The following NIN variants were observed in gnomAD, a reference collection of about 807,000 sequenced individuals.
The protein encoded by NIN is glycogen synthase kinase 3 beta-interacting protein.
In NIN, 137 loss-of-function variants were observed where a neutral mutation model predicts 257.6. The observed-to-expected ratio is 0.53, with a 90% CI of 0.46 to 0.61. NIN has a LOEUF of 0.61. NIN is among the 20% of genes least tolerant of loss of function. The pLI is 0.00. For missense variants in NIN, 2,439 were observed against 2,501.2 expected (o/e 0.98, Z 0.53); for synonymous variants, 918 against 919.8 (o/e 1.00, Z 0.04).
In NIN at chr14:50,729,489, C is replaced by A. The variant is rs192524466; in HGVS notation, c.6078+34G>T. The A allele has an allele frequency of 5.1e-6, 8 of 1,577,736 alleles. No homozygotes were observed. In the Admixed American group the frequency reaches 1.2e-4, roughly 24 times the overall value. On this transcript the variant is annotated intron_variant, in intron 29 of 30. Transcript: ENST00000530997. ...CTTTCAAATAAACAGGTAAAATTAA[C>A]AGGTGATCTACTAGAGTAGAGAGAG...
chr14:50,752,202 C>T (rs536983757), intron 21 of NIN, among the ~76,000 whole-genome samples: 2 of 149,992 alleles, frequency 1.3e-5, no homozygotes, highest in Non-Finnish European at 1.5e-5. Flanking sequence ...TTAAGTTTAT[C>T]CTTGTGCATG....
intron 2 of NIN, 77 bp downstream of exon 2, chr14:50,830,387 C>T (rs1232830154): frequency 6.0e-6 from 1 of 166,680 alleles, no homozygotes; most frequent in African/African-American, 2.4e-5. Context: ...GCCTGCCCAT[C>T]GCCACTACCA....
chr14:50,777,680 T>TC (rs2042974559), intron 6 of NIN, among the ~76,000 whole-genome samples: 1 of 86,506 alleles, frequency 1.2e-5, no homozygotes, highest in Non-Finnish European at 3.2e-5. Flanking sequence ...CCAACTGAAA[T>TC]TAAAAAAAAA....
chr14:50,831,238 G>C (rs1282680949), upstream of NIN: 2 of 151,712 alleles, frequency 1.3e-5, no homozygotes, highest in East Asian at 1.9e-4. Flanking sequence ...GCGCGGCTCA[G>C]GCAGCGGAGG....
chr14:50,726,735 T>G (rs1158943072), intron 29 of NIN, among the ~76,000 whole-genome samples: 1 of 152,158 alleles, frequency 6.6e-6, no homozygotes, highest in Admixed American at 6.5e-5. Flanking sequence ...AAGTGAGTTT[T>G]GGAGAGGAGA....
At chr14:50,788,183 T>C (rs2043426222) in intron 5 of NIN, among the ~76,000 whole-genome samples, 1 of 152,324 alleles carries the variant, frequency 6.6e-6, no homozygotes, top group African/African-American at 2.4e-5. Context: ...TTTCTTTTCA[T>C]ACATTCTACC....
intron 21 of NIN, among the ~76,000 whole-genome samples, chr14:50,749,509 T>G (rs1218626050): frequency 6.6e-6 from 1 of 152,232 alleles, no homozygotes; most frequent in Non-Finnish European, 1.5e-5. Flanking sequence ...CTATTTCTCC[T>G]CAAACTTCTG....
Position 50,721,196 on chromosome 14 carries a change from G to A in NIN, c.*2267C>T, listed in dbSNP as rs1222890517. The A allele has an allele frequency of 4.9e-6, 1 of 202,226 alleles. No homozygotes were observed. The highest frequency in any genetic ancestry group is 1.0e-5 in the Non-Finnish European group (1 of 98,328). 12.5% of individuals were successfully genotyped at this position (202,226 alleles called of 1,614,324 possible). The stretch of plus-strand genomic sequence containing the variant: ...CCCAATCTCATAAGTGGGATAAAAT[G>A]AGAAATTAAGCACCTAGATGTTGGT... On this transcript the variant is annotated 3_prime_UTR_variant, in exon 31 of 31. Transcript: ENST00000530997.
At chr14:50,827,412 C>T (rs1440494927) in intron 2 of NIN, among the ~76,000 whole-genome samples, 1 of 152,064 alleles carries the variant, frequency 6.6e-6, no homozygotes, top group African/African-American at 2.4e-5. Flanking sequence ...AAAAATATAA[C>T]ACGAAAGCTT....
chr14:50,754,469 C>T, intron 20 of NIN, 94 bp downstream of exon 20: 2 of 937,718 alleles, frequency 2.1e-6, no homozygotes, highest in East Asian at 2.6e-5. Context: ...TAGCTATATG[C>T]TATTCATTAC....
intron 12 of NIN, among the ~76,000 whole-genome samples, chr14:50,767,795 C>T (rs562728334): frequency 1.1e-4 from 15 of 142,308 alleles, no homozygotes; most frequent in East Asian, 8.1e-4. Flanking sequence ...CCAGCCTGGG[C>T]GACACAGCAA....
chr14:50,778,947 A>C, intron 5 of NIN, 143 bp from the exon 6 acceptor site: 2 of 797,036 alleles, frequency 2.5e-6, no homozygotes, highest in Non-Finnish European at 2.1e-6. Flanking sequence ...TAGTGTATCC[A>C]TCTAGATGAG....
In NIN at chr14:50,757,866, T is replaced by C; in HGVS notation, c.3164A>G (p.Gln1055Arg). 1 of 1,614,172 alleles carries C rather than the reference T, an allele frequency of 6.2e-7. No homozygotes were observed. The highest frequency in any genetic ancestry group is 1.1e-5 in the South Asian group (1 of 91,084). The change falls in exon 18 of 31, where the codon CAA (glutamine) becomes CGA (arginine). Residue 1055 changes from glutamine (Q) to arginine (R), a missense_variant. Physicochemically the swap from Gln to Arg is conservative, Grantham distance 43. Around this residue, in one of 3 missense-constraint regions of NIN, gnomAD observed 2,043 missense variants for 2,050.2 expected, o/e 1.00. Coordinates refer to ENST00000530997, the MANE Select transcript of NIN (RefSeq NM_020921.4). ...EGDGALSLLQ[Q>R]GEQLLEENGD... Reference sequence around the variant, plus strand: ...ATTTTCTTCCAACAGCTGCTCCCCTTGCTGAAGCAGGGACAGGGCTCCATC... The same window carrying C: ...ATTTTCTTCCAACAGCTGCTCCCCTCGCTGAAGCAGGGACAGGGCTCCATC...
chr14:50,810,960 C>G (rs1286149550), intron 3 of NIN, among the ~76,000 whole-genome samples: 1 of 152,056 alleles, frequency 6.6e-6, no homozygotes, highest in Non-Finnish European at 1.5e-5. Flanking sequence ...CCGCGCCCAG[C>G]CTTTAAAACT....
At chr14:50,827,641 C>T (rs955196916) in intron 2 of NIN, among the ~76,000 whole-genome samples, 1 of 150,100 alleles carries the variant, frequency 6.7e-6, no homozygotes, top group Non-Finnish European at 1.5e-5. Flanking sequence ...CCTGTAATCC[C>T]AGCTACTCGG....
intron 3 of NIN, among the ~76,000 whole-genome samples, chr14:50,817,208 A>G (rs184284086): frequency 5.3e-5 from 8 of 152,300 alleles, no homozygotes; most frequent in Non-Finnish European, 1.2e-4. Context: ...TATGAGTTAT[A>G]TTATGACAAC....
At chr14:50,769,209 T>C (rs773174977) in intron 12 of NIN, among the ~76,000 whole-genome samples, 5 of 152,224 alleles carry the variant, frequency 3.3e-5, no homozygotes, top group Non-Finnish European at 7.3e-5. Flanking sequence ...GGGTAGGTAT[T>C]ATTATGGTGC....
At position 50,752,385 on chromosome 14, in the gene NIN, C is replaced by T. The variant is rs1167470396; in HGVS notation, c.4950+133G>A. The stretch of plus-strand genomic sequence containing the variant: ...CTAGACTTTCTATTCCACTTACCTA[C>T]TTATCTATTCATGTGCCAGGACCAT... On this transcript the variant is annotated intron_variant, in intron 21 of 30. Coordinates refer to ENST00000530997, the MANE Select transcript of NIN (RefSeq NM_020921.4). 31 of 655,286 alleles carry T rather than the reference C, an allele frequency of 4.7e-5. 1 individual carries two copies. Among genetic ancestry groups the T allele is most frequent in the Admixed American group, 1.1e-4 (4 of 37,156 alleles). The allele number at this position is 655,286 out of a possible 1,614,324, so 40.6% of individuals were successfully genotyped here.
At chr14:50,814,392 A>C (rs374888773) in intron 3 of NIN, among the ~76,000 whole-genome samples, 1 of 152,288 alleles carries the variant, frequency 6.6e-6, no homozygotes, top group African/African-American at 2.4e-5. Context: ...AGGAGCATAC[A>C]GCCAAATACA....
Sources: allele counts gnomAD v4.1 joint callset (sites outside exome capture counted in the v4.1 genomes callset), GRCh38; gene constraint gnomAD v4.1.1; regional missense constraint gnomAD v4.1.1; transcripts MANE v1.5; gene names NCBI Gene and HGNC (gene_info 2026-07-23, HGNC 2026-07-21).